The following TBC1D14 variants were observed in gnomAD, a reference collection of about 807,000 sequenced individuals.
TBC1D14 encodes TBC1 domain family member 14, also known as TBC1 domain family, member 14.
Under a neutral mutation model 79.0 loss-of-function variants are expected in TBC1D14, and 26 were observed. The observed-to-expected ratio is 0.33, with a 90% CI of 0.24 to 0.46. The LOEUF (loss-of-function observed/expected upper bound fraction) is 0.46, where lower values mean the gene tolerates loss of function less well. TBC1D14 is among the 20% of genes least tolerant of loss of function. TBC1D14 has a pLI of 1.00. For synonymous variants in TBC1D14, 394 were observed against 349.9 expected, an observed-to-expected ratio of 1.13 and a Z score of -1.40; for missense variants, 769 against 887.6, an observed-to-expected ratio of 0.87 and a Z score of 1.70.
intron 13 of TBC1D14, among the ~76,000 whole-genome samples, chr4:7,026,200 A>G (rs1293839531): frequency 6.6e-6 from 1 of 151,778 alleles, no homozygotes; most frequent in Non-Finnish European, 1.5e-5. Flanking sequence ...CAAAACTAGA[A>G]CAGCATAAAA....
At chr4:7,004,721 A>T (rs1413871305) in intron 7 of TBC1D14, 123 bp from the exon 8 acceptor site, 1 of 776,384 alleles carries the variant, frequency 1.3e-6, no homozygotes, top group South Asian at 1.7e-5. Flanking sequence ...GTAGCCTGTT[A>T]AGTATGCATT....
chr4:6,954,131 G>C, intron 2 of TBC1D14: 5 of 598,758 alleles, frequency 8.4e-6, no homozygotes, highest in Non-Finnish European at 1.5e-5. Context: ...CCGCCTTTCC[G>C]CCGGCCTGCT....
At chr4:6,954,851 C>G (rs1001061226) in intron 2 of TBC1D14, among the ~76,000 whole-genome samples, 44 of 152,260 alleles carry the variant, frequency 2.9e-4, no homozygotes, top group African/African-American at 9.4e-4. Context: ...GTGATCCACC[C>G]GCCTTGGCCT....
intron 2 of TBC1D14, among the ~76,000 whole-genome samples, chr4:6,943,799 G>A (rs772441490): frequency 3.3e-5 from 5 of 152,116 alleles, no homozygotes; most frequent in Non-Finnish European, 7.3e-5. Context: ...CGGTGCAGGT[G>A]GTCAGCAGAT....
At chr4:6,994,023 T>G (rs1393982873) in intron 3 of TBC1D14, among the ~76,000 whole-genome samples, 161 bp from the exon 4 acceptor site, 1 of 152,118 alleles carries the variant, frequency 6.6e-6, no homozygotes, top group Non-Finnish European at 1.5e-5. Flanking sequence ...AAAGACCCCT[T>G]TAGTCAGCGG....
rs1213368391 is a variant in TBC1D14, at chr4:7,007,503, G to C, written c.1446+777G>C. ...ATACCTTTGCACCTGTCCCTTGTCT[G>C]TTCTCACTGCCTTTACTCAGGTTCT... On this transcript the variant is annotated intron_variant, in intron 9 of 13. Transcript: ENST00000409757. 3 of 1,285,222 alleles carry C rather than the reference G, an allele frequency of 2.3e-6. No homozygotes were observed. In the African/African-American group the frequency reaches 4.6e-5, roughly 20 times the overall value. The allele number at this position is 1,285,222 out of a possible 1,614,324, so 79.6% of individuals were successfully genotyped here.
At chr4:6,948,440 G>C (rs888124270) in intron 2 of TBC1D14, among the ~76,000 whole-genome samples, 2 of 152,182 alleles carry the variant, frequency 1.3e-5, no homozygotes, top group Non-Finnish European at 2.9e-5. Context: ...TTGTTGTCTA[G>C]TTTTCGGCTG....
At chr4:6,957,046 G>C (rs1714712714) in intron 2 of TBC1D14, among the ~76,000 whole-genome samples, 1 of 152,238 alleles carries the variant, frequency 6.6e-6, no homozygotes, top group African/African-American at 2.4e-5. Flanking sequence ...GAGCATGGTT[G>C]CACCGTGCTG....
rs536875426 is a variant in TBC1D14, at chr4:6,993,209, AG to A, written c.844-971del. Among the ~76,000 whole-genome samples, 210 of 152,342 alleles carry A rather than the reference AG, an allele frequency of 1.4e-3. 1 individual carries two copies. The highest frequency in any genetic ancestry group is 3.1e-3 in the South Asian group (15 of 4,828). On this transcript the variant is annotated intron_variant, in intron 3 of 13. Coordinates refer to ENST00000409757, the MANE Select transcript of TBC1D14 (RefSeq NM_020773.3). ...TTCTCAATGAGATTATCTTCCCTTC[AG>A]GGGCATTCCTGAGAGCCTTGTCTGT... is the stretch of plus-strand genomic sequence containing the variant.
chr4:6,975,236 GT>G (rs1319419310), intron 3 of TBC1D14, among the ~76,000 whole-genome samples: 2 of 151,854 alleles, frequency 1.3e-5, no homozygotes, highest in Non-Finnish European at 1.5e-5. Flanking sequence ...TTGAGATAGG[GT>G]CTTGCTCTGT....
chr4:6,966,733 C>T (rs1278605927), intron 2 of TBC1D14, among the ~76,000 whole-genome samples: 1 of 152,198 alleles, frequency 6.6e-6, no homozygotes, highest in Non-Finnish European at 1.5e-5. Context: ...CTTACTTTTT[C>T]TGATACCCTT....
chr4:6,925,995 G>A (rs555641721), intron 2 of TBC1D14, among the ~76,000 whole-genome samples: 1 of 152,346 alleles, frequency 6.6e-6, no homozygotes, highest in African/African-American at 2.4e-5. Flanking sequence ...TGGAAGGAGT[G>A]TGGCTTTGGA....
chr4:6,944,016 G>T (rs193202407), intron 2 of TBC1D14, among the ~76,000 whole-genome samples: 1 of 120,236 alleles, frequency 8.3e-6, no homozygotes, highest in Non-Finnish European at 1.8e-5. Flanking sequence ...CTGTGAAGCC[G>T]GCGCGTTCTG....
At chr4:6,925,621 G>C (rs1273978456) in intron 2 of TBC1D14, among the ~76,000 whole-genome samples, 1 of 152,218 alleles carries the variant, frequency 6.6e-6, no homozygotes. Flanking sequence ...TCTCGAATGT[G>C]CTGACAGATA....
intron 7 of TBC1D14, chr4:7,001,515 G>A (rs1719672197): frequency 2.0e-5 from 8 of 395,794 alleles, no homozygotes; most frequent in Non-Finnish European, 3.7e-5. Context: ...GGAGGTGCCT[G>A]AGCTTCGCAG....
Position 7,030,441 on chromosome 4 carries a change from G to C in TBC1D14, c.*49G>C. The C allele has an allele frequency of 6.3e-7, 1 of 1,598,374 alleles. No homozygotes were observed. The highest frequency in any genetic ancestry group is 8.6e-7 in the Non-Finnish European group (1 of 1,166,698). On this transcript the variant is annotated 3_prime_UTR_variant, in exon 14 of 14. Transcript: ENST00000409757. ...GGCACCAATCAGAGCCCCATGCCGC[G>C]GCCCCTCTGTTGTTTCAGACTGACA... is the stretch of plus-strand genomic sequence containing the variant.
In TBC1D14 at chr4:7,030,713, A is replaced by G. The variant is rs902971347; in HGVS notation, c.*321A>G. ...AAGCTAATTAAATTGTAATGTTTCT[A>G]TGTCAACTACTGGGAAGTATGTTAC... On this transcript the variant is annotated 3_prime_UTR_variant, in exon 14 of 14. Transcript: ENST00000409757. 1 of 247,984 alleles carries G rather than the reference A, an allele frequency of 4.0e-6. No homozygotes were observed. Among genetic ancestry groups the G allele is most frequent in the Non-Finnish European group, 8.3e-6 (1 of 120,962 alleles). The allele number at this position is 247,984 out of a possible 1,614,324, so 15.4% of individuals were successfully genotyped here.
chr4:6,998,497 T>A (rs1719304079), intron 5 of TBC1D14, among the ~76,000 whole-genome samples: 1 of 152,074 alleles, frequency 6.6e-6, no homozygotes, highest in African/African-American at 2.4e-5. Flanking sequence ...GGATGGTAAT[T>A]TCAGGGATTT....
intron 7 of TBC1D14, among the ~76,000 whole-genome samples, chr4:7,001,764 G>T (rs190810420): frequency 6.6e-6 from 1 of 152,272 alleles, no homozygotes; most frequent in Admixed American, 6.5e-5. Flanking sequence ...CATCTACTCA[G>T]TTTGCATGTA....
Sources: allele counts gnomAD v4.1 joint callset (sites outside exome capture counted in the v4.1 genomes callset), GRCh38; gene constraint gnomAD v4.1.1; transcripts MANE v1.5; gene names NCBI Gene and HGNC (gene_info 2026-07-23, HGNC 2026-07-21).